Variants in NCALD observed in about 807,000 individuals in gnomAD.
NCALD encodes neurocalcin-delta.
In NCALD, 10 loss-of-function variants were observed where a neutral mutation model predicts 18.6. The ratio of observed to expected loss-of-function variants is 0.54; its 90% CI spans 0.33 to 0.91. NCALD has a LOEUF of 0.91. Among genes scored for constraint, NCALD ranks in the 40% least tolerant of loss-of-function variants. NCALD has a pLI of 0.03. For synonymous variants in NCALD, 88 were observed against 87.4 expected, an observed-to-expected ratio of 1.01 and a Z score of -0.04; for missense variants, 184 against 247.6, an observed-to-expected ratio of 0.74 and a Z score of 1.72.
intron 1 of NCALD, among the ~76,000 whole-genome samples, chr8:101,769,172 T>C (rs970417835): frequency 1.3e-5 from 2 of 152,226 alleles, no homozygotes; most frequent in Non-Finnish European, 2.9e-5. Flanking sequence ...GCTTCTGACC[T>C]CCAGAACTGT....
rs577581230 is a variant in NCALD, at chr8:102,103,408, A to G, written c.-210+20829T>C. Among the ~76,000 whole-genome samples the G allele has an allele frequency of 9.2e-5, 14 of 152,318 alleles. No homozygotes were observed. The Middle Eastern group carries it at 0.01, about 111-fold the overall frequency. The stretch of plus-strand genomic sequence containing the variant: ...CAGTCCATACCGCACAGTGTTAGGA[A>G]AATTATATAAAACTATTAGAGATAA... On this transcript the variant is annotated intron_variant, in intron 1 of 6. Coordinates refer to the NCALD transcript ENST00000311028.
chr8:101,851,554 C>T lies in NCALD; in HGVS notation c.-20+35587G>A, dbSNP rs1815092065. Among the ~76,000 whole-genome samples the T allele has an allele frequency of 2.0e-5, 3 of 152,052 alleles. No individual in the cohort carries two copies. In the South Asian group the frequency reaches 6.2e-4, roughly 32 times the overall value. ...TGAAAATTAAAATAAATGATGGCAACACAATGTTAAGGTTATGAATAATCA... is the reference window on the plus strand; with the variant it reads ...TGAAAATTAAAATAAATGATGGCAATACAATGTTAAGGTTATGAATAATCA... On this transcript the variant is annotated intron_variant, in intron 4 of 6. Coordinates refer to the NCALD transcript ENST00000311028.
At chr8:101,889,908 T>C (rs897465590) in intron 3 of NCALD, among the ~76,000 whole-genome samples, 6 of 152,234 alleles carry the variant, frequency 3.9e-5, no homozygotes, top group Non-Finnish European at 8.8e-5. Context: ...GCAAAAGGTT[T>C]AAACTTTTAG....
intron 1 of NCALD, among the ~76,000 whole-genome samples, chr8:101,722,922 AAACTTGAGAC>A (rs1417299668): frequency 6.6e-6 from 1 of 152,252 alleles, no homozygotes; most frequent in Non-Finnish European, 1.5e-5. Context: ...TATGAGGACT[AAACTTGAGAC>A]ACCATCTGGA....
chr8:101,982,708 G>A (rs1820666689), intron 2 of NCALD, among the ~76,000 whole-genome samples: 1 of 152,086 alleles, frequency 6.6e-6, no homozygotes, highest in Non-Finnish European at 1.5e-5. Context: ...GGGTGTGGTG[G>A]CACACGCCTG....
At chr8:101,707,906 T>A (rs201513844) in intron 2 of NCALD, among the ~76,000 whole-genome samples, 17 of 143,992 alleles carry the variant, frequency 1.2e-4, no homozygotes, top group African/African-American at 2.6e-4. Context: ...AAATAAATAA[T>A]AAATAAATAA....
intron 2 of NCALD, chr8:101,975,459 CCTCA>C (rs1266542010): frequency 1.3e-5 from 2 of 152,150 alleles, no homozygotes; most frequent in Non-Finnish European, 2.9e-5. Flanking sequence ...ACTGCTGGGG[CCTCA>C]CTGTGAGTGT....
chr8:101,770,989 G>A lies in NCALD; in HGVS notation c.-20+19873C>T, dbSNP rs1439499014. Reference sequence around the variant, plus strand: ...ATTCAAACACATCTTGCAACTAAGAGGGTTCAGACAAAATTAGTTCACTTT... The same window carrying A: ...ATTCAAACACATCTTGCAACTAAGAAGGTTCAGACAAAATTAGTTCACTTT... On this transcript the variant is annotated intron_variant, in intron 1 of 3. Transcript: ENST00000220931. 2.6e-5 allele frequency among the ~76,000 whole-genome samples: 4 copies of A among 152,146 alleles called. No homozygotes were observed. In the East Asian group the frequency reaches 7.7e-4, roughly 29 times the overall value.
chr8:101,835,937 T>G (rs1429769938), intron 4 of NCALD, among the ~76,000 whole-genome samples: 1 of 151,980 alleles, frequency 6.6e-6, no homozygotes, highest in Non-Finnish European at 1.5e-5. Flanking sequence ...AGACAACCCC[T>G]GGAAGTCTAG....
intron 1 of NCALD, among the ~76,000 whole-genome samples, chr8:101,757,666 T>C (rs887637611): frequency 6.6e-6 from 1 of 151,200 alleles, no homozygotes; most frequent in African/African-American, 2.4e-5. Context: ...GATGGTAGGG[T>C]TTTTTTTTAA....
At chr8:102,065,825 T>A (rs1823991299) in intron 1 of NCALD, among the ~76,000 whole-genome samples, 2 of 152,120 alleles carry the variant, frequency 1.3e-5, no homozygotes, top group Non-Finnish European at 2.9e-5. Context: ...AACATTAAAA[T>A]AAAGTAATAA....
At chr8:101,928,119 A>C (rs759771127) in intron 2 of NCALD, among the ~76,000 whole-genome samples, 3 of 152,176 alleles carry the variant, frequency 2.0e-5, no homozygotes, top group Non-Finnish European at 2.9e-5. Context: ...CTGTATTATA[A>C]ATCCTTAACA....
chr8:101,793,492 A>G (rs1812525614), upstream of NCALD, among the ~76,000 whole-genome samples: 1 of 152,176 alleles, frequency 6.6e-6, no homozygotes, highest in African/African-American at 2.4e-5. Context: ...TTCCTTTGCA[A>G]ACTACCTAGG....
At chr8:101,911,686 G>A (rs1391720983) in intron 3 of NCALD, among the ~76,000 whole-genome samples, 1 of 152,030 alleles carries the variant, frequency 6.6e-6, no homozygotes, top group African/African-American at 2.4e-5. Flanking sequence ...TTAAATTACT[G>A]CAATATATAT....
intron 1 of NCALD, among the ~76,000 whole-genome samples, chr8:101,787,810 G>T (rs1463328771): frequency 1.3e-5 from 2 of 152,108 alleles, no homozygotes; most frequent in Non-Finnish European, 2.9e-5. Context: ...TGAGTATCTG[G>T]AATTAACATG....
intron 4 of NCALD, among the ~76,000 whole-genome samples, chr8:101,798,345 A>G (rs563152268): frequency 1.1e-3 from 161 of 152,362 alleles, no homozygotes; most frequent in African/African-American, 3.7e-3. Context: ...CTGAAAATCA[A>G]TTGTATTTCT....
intron 1 of NCALD, among the ~76,000 whole-genome samples, chr8:101,745,280 G>A (rs1006366959): frequency 1.3e-5 from 2 of 151,992 alleles, no homozygotes; most frequent in African/African-American, 4.8e-5. Context: ...AACCCAGACG[G>A]GTGATGTTCA....
At chr8:101,944,908 T>A (rs566737933) in intron 2 of NCALD, among the ~76,000 whole-genome samples, 1 of 152,252 alleles carries the variant, frequency 6.6e-6, no homozygotes, top group Admixed American at 6.5e-5. Context: ...CTATAAATAA[T>A]CCCTTCATTA....
chr8:101,691,173 A>G lies in NCALD; in HGVS notation c.484+1618T>C, dbSNP rs1352903026. 3.0e-6 allele frequency: 3 copies of G among 985,286 alleles called. No homozygotes were observed. The African/African-American group carries it at 5.2e-5, about 17-fold the overall frequency. The allele number at this position is 985,286 out of a possible 1,614,324, so 61.0% of individuals were successfully genotyped here. The stretch of plus-strand genomic sequence containing the variant: ...AGCCAAGCACTGAGCTGAAGCACCC[A>G]GTCTCCTGGTTGAGCTAAGATTCCT... On this transcript the variant is annotated intron_variant, in intron 3 of 3. Transcript: ENST00000220931.
Sources: allele counts gnomAD v4.1 joint callset (sites outside exome capture counted in the v4.1 genomes callset), GRCh38; gene constraint gnomAD v4.1.1; transcripts MANE v1.5; gene names NCBI Gene and HGNC (gene_info 2026-07-23, HGNC 2026-07-21).